The following TEX2 variants were observed in gnomAD, a reference collection of about 807,000 sequenced individuals.
TEX2 encodes the protein testis-expressed protein 2.
TEX2 carries 53 observed loss-of-function variants against 106.9 expected under a neutral mutation model. The observed-to-expected ratio is 0.50, with a 90% CI of 0.40 to 0.62. The LOEUF (loss-of-function observed/expected upper bound fraction) is 0.62. TEX2 is among the 20% of genes least tolerant of loss of function. The pLI is 0.00. For synonymous variants in TEX2, 523 were observed against 534.8 expected (o/e 0.98, Z 0.30); for missense variants, 1,207 against 1,379.0 (o/e 0.88, Z 1.98).
At chr17:64,193,461 G>A in intron 4 of TEX2, 98 bp downstream of exon 4, 2 of 975,648 alleles carry the variant, frequency 2.0e-6, no homozygotes, top group Non-Finnish European at 2.9e-6. Flanking sequence ...AGTTCAGGGT[G>A]GGCTTCCTTC....
In TEX2 at chr17:64,248,656, C is replaced by T. The variant is rs1262414571; in HGVS notation, c.-26+14512G>A. ...GTTCCCATGCCAGATGGTAGGCTTCCTGCTTGTCTGTCAGGGACCCTCCCT... is the reference window on the plus strand; with the variant it reads ...GTTCCCATGCCAGATGGTAGGCTTCTTGCTTGTCTGTCAGGGACCCTCCCT... On this transcript the variant is annotated intron_variant, in intron 1 of 11. Transcript: ENST00000584379. Among the ~76,000 whole-genome samples the T allele has an allele frequency of 5.3e-5, 8 of 152,164 alleles. 1 individual carries two copies. The highest frequency in any genetic ancestry group is 1.9e-4 in the African/African-American group (8 of 41,426).
At chr17:64,197,527 T>C (rs1200989215) in intron 2 of TEX2, among the ~76,000 whole-genome samples, 2 of 152,152 alleles carry the variant, frequency 1.3e-5, no homozygotes, top group Non-Finnish European at 1.5e-5. Context: ...TTCGTATGTA[T>C]GTATGCACAT....
At chr17:64,253,758 A>C (rs1268479904) in intron 1 of TEX2, among the ~76,000 whole-genome samples, 2 of 152,204 alleles carry the variant, frequency 1.3e-5, no homozygotes, top group African/African-American at 4.8e-5. Context: ...TCTGGCAGAA[A>C]GCACAGGCTG....
In TEX2 at chr17:64,193,793, T is replaced by C. The variant is rs1309146440; in HGVS notation, c.1942A>G (p.Lys648Glu). ...ELGQQDDFMS[K>E]AQTDKETSEE... ...GAAGTCTCCTTATCAGTCTGAGCTT[T>C]AGACATAAAGTCATCTTGCTGACCA... Residue 648 changes from lysine (K) to glutamate (E), a missense_variant, in exon 4 of 12, where the codon AAA becomes GAA. By Grantham distance (56) the Lys-to-Glu change is moderately conservative. Coordinates refer to ENST00000584379, the MANE Select transcript of TEX2 (RefSeq NM_001288732.2). The C allele has an allele frequency of 6.2e-7, 1 of 1,611,394 alleles. No individual in the cohort carries two copies. The highest frequency in any genetic ancestry group is 1.3e-5 in the African/African-American group (1 of 74,870).
At chr17:64,166,457 G>A (rs991073218) in intron 7 of TEX2, among the ~76,000 whole-genome samples, 1 of 152,248 alleles carries the variant, frequency 6.6e-6, no homozygotes, top group Non-Finnish European at 1.5e-5. Flanking sequence ...TAGACTCCAT[G>A]AAACAGGTTG....
chr17:64,207,980 C>A (rs531474528), intron 2 of TEX2, among the ~76,000 whole-genome samples: 2 of 152,100 alleles, frequency 1.3e-5, no homozygotes, highest in Non-Finnish European at 2.9e-5. Flanking sequence ...GTGATCCACC[C>A]GCCTCAGCCT....
At chr17:64,220,285 CAT>C (rs1338653381) in intron 1 of TEX2, among the ~76,000 whole-genome samples, 1 of 152,202 alleles carries the variant, frequency 6.6e-6, no homozygotes, top group East Asian at 1.9e-4. Flanking sequence ...CCATTCATGA[CAT>C]AGGCACAGAC....
chr17:64,152,941 G>A lies in TEX2; in HGVS notation c.3140+4C>T, dbSNP rs1483703057. The A allele has an allele frequency of 6.8e-6, 11 of 1,613,488 alleles. 1 individual carries two copies. The highest frequency in any genetic ancestry group is 5.0e-5 in the Admixed American group (3 of 59,912). ...CTTATTGTCCCTGAGGGCCCTCTAC[G>A]CACCATACTCGGTCAGTCGGGGGTG... On this transcript the variant is annotated splice_donor_region_variant and intron_variant, in intron 10 of 11. Transcript: ENST00000584379.
At chr17:64,169,149 G>C (rs2031282149) in intron 7 of TEX2, among the ~76,000 whole-genome samples, 2 of 152,008 alleles carry the variant, frequency 1.3e-5, no homozygotes, top group Admixed American at 1.3e-4. Flanking sequence ...AGCTATTCTT[G>C]TGCCTCAGCC....
At position 64,153,575 on chromosome 17, in the gene TEX2, A is replaced by G. The variant is rs187263870; in HGVS notation, c.2931-421T>C. Among the ~76,000 whole-genome samples the G allele has an allele frequency of 7.9e-4, 120 of 152,338 alleles. No homozygotes were observed. The highest frequency in any genetic ancestry group is 1.4e-3 in the Non-Finnish European group (97 of 68,026). On this transcript the variant is annotated intron_variant, in intron 9 of 11. Coordinates refer to ENST00000584379, the MANE Select transcript of TEX2 (RefSeq NM_001288732.2). The surrounding 1 kb of genome is among the most constrained non-coding windows in gnomAD (Gnocchi z 4.1). ...CAATACCAGACAGAAATCCAATGAC[A>G]TATCAATCTCATAATCTCCATGCAG...
Position 64,185,454 on chromosome 17 carries a change from T to TA in TEX2, c.2424+2713dup, listed in dbSNP as rs1045578502. Among the ~76,000 whole-genome samples the TA allele has an allele frequency of 9.2e-5, 14 of 152,086 alleles. No homozygotes were observed. Among genetic ancestry groups the TA allele is most frequent in the Non-Finnish European group, 1.6e-4 (11 of 68,014 alleles). Reference sequence around the variant, plus strand: ...TACCATTGCACTTTCAGACATTTTTTAAAAAAGAGTTCCCTTGTTTCCTGA... The same window carrying TA: ...TACCATTGCACTTTCAGACATTTTTTAAAAAAAGAGTTCCCTTGTTTCCTGA... On this transcript the variant is annotated intron_variant, in intron 5 of 11. Coordinates refer to ENST00000584379, the MANE Select transcript of TEX2 (RefSeq NM_001288732.2). This position sits in a 1 kb window ranked among gnomAD's most constrained non-coding sequence, Gnocchi z 4.0.
At position 64,224,345 on chromosome 17, in the gene TEX2, G is replaced by A. The variant is rs373372143; in HGVS notation, c.-25-10103C>T. Among the ~76,000 whole-genome samples, 5 of 152,164 alleles carry A rather than the reference G, an allele frequency of 3.3e-5. No homozygotes were observed. In the South Asian group the frequency reaches 6.2e-4, roughly 19 times the overall value. ...ATCTGGTCAAAACCAACCACGGCAG[G>A]AAGGTCTGATTTAGCCTACAAATCT... On this transcript the variant is annotated intron_variant, in intron 1 of 11. Coordinates refer to ENST00000584379, the MANE Select transcript of TEX2 (RefSeq NM_001288732.2).
Position 64,148,994 on chromosome 17 carries a change from G to T in TEX2, c.3359C>A (p.Pro1120His). ...RSTSCLLKDP[P>H]VEAADQP ...TCATGGCTGATCAGCAGCCTCCACA[G>T]GTGGGTCTTTCAGGAGGCAGGAAGT... Residue 1120 changes from proline (P) to histidine (H), a missense_variant, in exon 12 of 12, where the codon CCT becomes CAT. Physicochemically the swap from Pro to His is moderately conservative, Grantham distance 77. Coordinates refer to ENST00000584379, the MANE Select transcript of TEX2 (RefSeq NM_001288732.2). 1 of 1,614,210 alleles carries T rather than the reference G, an allele frequency of 6.2e-7. No individual in the cohort carries two copies.
In TEX2 at chr17:64,148,998, G is replaced by C; in HGVS notation, c.3355C>G (p.Pro1119Ala). Residue 1119 changes from proline to alanine, a missense_variant, in exon 12 of 12, where the codon CCA (proline) becomes GCA (alanine). Around this residue, in one of 3 missense-constraint regions of TEX2, gnomAD observed 77 missense variants for 73.2 expected, o/e 1.05. Coordinates refer to ENST00000584379, the MANE Select transcript of TEX2 (RefSeq NM_001288732.2). Reference sequence around the variant, plus strand: ...GGCTGATCAGCAGCCTCCACAGGTGGGTCTTTCAGGAGGCAGGAAGTAGAG... The same window carrying C: ...GGCTGATCAGCAGCCTCCACAGGTGCGTCTTTCAGGAGGCAGGAAGTAGAG... The part of the protein sequence containing the change: ...PRSTSCLLKD[P>A]PVEAADQP 6.2e-7 allele frequency: 1 copy of C among 1,614,180 alleles called. No homozygotes were observed. Among genetic ancestry groups the C allele is most frequent in the Non-Finnish European group, 8.5e-7 (1 of 1,180,024 alleles).
Position 64,193,853 on chromosome 17 carries a change from T to C in TEX2, c.1882A>G (p.Ile628Val). ...LVPKTLARKR[I>V]WNKKYPICIE... ...CAAATGGGGTACTTTTTATTCCAGA[T>C]TCGCTTTCGAGCCAAAGTTTTAGGT... Residue 628 changes from isoleucine to valine, a missense_variant, in exon 4 of 12, where the codon ATC (isoleucine) becomes GTC (valine). Ile to Val is a conservative substitution (Grantham distance 29, BLOSUM62 3). Around this residue, in one of 3 missense-constraint regions of TEX2, gnomAD observed 1,067 missense variants for 1,193.6 expected, o/e 0.89. Transcript: ENST00000584379. 4 of 1,570,882 alleles carry C rather than the reference T, an allele frequency of 2.5e-6. No homozygotes were observed. In the African/African-American group the frequency reaches 4.1e-5, roughly 16 times the overall value.
chr17:64,251,997 C>G (rs1200227214), intron 1 of TEX2, among the ~76,000 whole-genome samples: 2 of 152,154 alleles, frequency 1.3e-5, no homozygotes, highest in Non-Finnish European at 2.9e-5. Flanking sequence ...GAGAGGAAGA[C>G]TACTGCACCC....
chr17:64,151,207 C>T (rs2030337588), intron 10 of TEX2, among the ~76,000 whole-genome samples: 1 of 152,118 alleles, frequency 6.6e-6, no homozygotes, highest in South Asian at 2.1e-4. Context: ...CCAGGAAGCA[C>T]CACTGGAAAA....
chr17:64,236,927 A>T (rs1291194670), intron 1 of TEX2, among the ~76,000 whole-genome samples: 1 of 152,194 alleles, frequency 6.6e-6, no homozygotes, highest in Non-Finnish European at 1.5e-5. Flanking sequence ...GCAATGATTG[A>T]ATATTCCGGA....
intron 4 of TEX2, among the ~76,000 whole-genome samples, chr17:64,190,507 C>A (rs1196746025): frequency 6.6e-6 from 1 of 152,196 alleles, no homozygotes; most frequent in African/African-American, 2.4e-5. Flanking sequence ...CCCTACGAGG[C>A]CTGGCTGGTG....
Sources: allele counts gnomAD v4.1 joint callset (sites outside exome capture counted in the v4.1 genomes callset), GRCh38; gene constraint gnomAD v4.1.1; regional missense constraint gnomAD v4.1.1; non-coding constraint Gnocchi (gnomAD v3.1); transcripts MANE v1.5; gene names NCBI Gene and HGNC (gene_info 2026-07-23, HGNC 2026-07-21).